The following SCN3B variants were observed in gnomAD, a reference collection of about 807,000 sequenced individuals.
SCN3B encodes sodium channel regulatory subunit beta-3.
In SCN3B, 11 loss-of-function variants were observed where a neutral mutation model predicts 25.4. That is an observed-to-expected ratio of 0.43 (90% confidence interval 0.27 to 0.72). The LOEUF (loss-of-function observed/expected upper bound fraction) is 0.72. SCN3B is among the 30% of genes least tolerant of loss of function. The pLI, the probability that SCN3B is intolerant of heterozygous loss-of-function variation, is 0.18. For missense variants in SCN3B, 218 were observed against 278.3 expected (o/e 0.78, Z 1.54); for synonymous variants, 109 against 110.7 (o/e 0.99, Z 0.09).
At chr11:123,644,093 A>G (rs1212379920) in intron 3 of SCN3B, among the ~76,000 whole-genome samples, 1 of 152,240 alleles carries the variant, frequency 6.6e-6, no homozygotes, top group African/African-American at 2.4e-5. Flanking sequence ...CAGTGCCGTA[A>G]AAAGGGCCTT....
In SCN3B at chr11:123,642,529, T is replaced by C. The variant is rs776930951; in HGVS notation, c.362A>G (p.Asn121Ser). The stretch of plus-strand genomic sequence containing the variant: ...CTCAAACTCAAACTCCCGGGACACA[T>C]TGCAGGTGTAGAGGCCAGAGTCGTT... ...TLNDSGLYTC[N>S]VSREFEFEAH... Residue 121 changes from asparagine (N) to serine (S), a missense_variant, in exon 4 of 7, where the codon AAT becomes AGT. Physicochemically the swap from Asn to Ser is conservative, Grantham distance 46 (BLOSUM62 1). Coordinates refer to ENST00000299333, the MANE Select transcript of SCN3B (RefSeq NM_001040151.2). The surrounding 1 kb of genome is among the most constrained non-coding windows in gnomAD (Gnocchi z 4.3). 2 of 1,613,910 alleles carry C rather than the reference T, an allele frequency of 1.2e-6. No homozygotes were observed. Among genetic ancestry groups the C allele is most frequent in the African/African-American group, 1.3e-5 (1 of 74,866 alleles).
intron 5 of SCN3B, among the ~76,000 whole-genome samples, chr11:123,636,736 G>C (rs1271179528): frequency 1.2e-4 from 18 of 151,010 alleles, no homozygotes; most frequent in Non-Finnish European, 1.9e-4. Flanking sequence ...CTCTGTCGCC[G>C]AGGCTGGAGG....
intron 2 of SCN3B, among the ~76,000 whole-genome samples, chr11:123,648,437 A>G (rs2137250575): frequency 6.6e-6 from 1 of 152,266 alleles, no homozygotes; most frequent in African/African-American, 2.4e-5. Context: ...TCTTTCGTTT[A>G]TTTCCCAAAT....
rs1271588706 is a variant in SCN3B at position 123,654,231 on chromosome 11, G to T, written c.-31C>A. The T allele has an allele frequency of 4.3e-6, 1 of 232,700 alleles. No homozygotes were observed. Among genetic ancestry groups the T allele is most frequent in the Non-Finnish European group, 8.7e-6 (1 of 115,412 alleles). The allele number at this position is 232,700 out of a possible 1,614,324, so 14.4% of individuals were successfully genotyped here. A position where few individuals can be genotyped will look rare whatever the true frequency, so the allele number is the denominator to read the frequency against. ...AAGGGTCCAGGTTGATTCACCTCTC[G>T]CCTCCCCAGGATCGGTTGCGTTCCG... On this transcript the variant is annotated 5_prime_UTR_variant, in exon 1 of 7. Transcript: ENST00000299333.
chr11:123,653,965 G>A (rs1470051069), intron 1 of SCN3B, 139 bp from the exon 2 acceptor site: 7 of 765,048 alleles, frequency 9.1e-6, no homozygotes, highest in Non-Finnish European at 1.5e-5. Flanking sequence ...GAGGCCCTGG[G>A]AGCTTTTGGA....
Position 123,654,360 on chromosome 11 carries a change from C to T in SCN3B, c.-160G>A, listed in dbSNP as rs1955967937. The T allele has an allele frequency of 6.1e-6, 1 of 163,468 alleles. No homozygotes were observed. Among genetic ancestry groups the T allele is most frequent in the Non-Finnish European group, 1.4e-5 (1 of 73,986 alleles). 10.1% of individuals were successfully genotyped at this position (163,468 alleles called of 1,614,324 possible). On this transcript the variant is annotated 5_prime_UTR_variant, in exon 1 of 7. An upstream open reading frame in the 5' UTR loses its in-frame stop. Transcript: ENST00000299333. ...AAGCCGCCGGGGCCGCCCGTCTGGG[C>T]TACAGAATGCGTTCCACGTCGGTCC...
At position 123,640,168 on chromosome 11, in the gene SCN3B, C is replaced by T. The variant is rs148301818; in HGVS notation, c.446-1844G>A. 1.1e-3 allele frequency: 163 copies of T among 152,298 alleles called. 1 individual carries two copies. Among genetic ancestry groups the T allele is most frequent in the African/African-American group, 3.4e-3 (142 of 41,566 alleles). The allele number at this position is 152,298 out of a possible 1,614,324, so 9.4% of individuals were successfully genotyped here. Reference sequence around the variant, plus strand: ...TGCAGCGTGAGGCACATGAGAATGCCGTACAGCTCAAACATCTCACCGCCT... The same window carrying T: ...TGCAGCGTGAGGCACATGAGAATGCTGTACAGCTCAAACATCTCACCGCCT... On this transcript the variant is annotated intron_variant, in intron 4 of 6. Coordinates refer to ENST00000299333, the MANE Select transcript of SCN3B (RefSeq NM_001040151.2).
At position 123,642,774 on chromosome 11, in the gene SCN3B, G is replaced by A; in HGVS notation, c.220-103C>T. On this transcript the variant is annotated intron_variant, in intron 3 of 6. Coordinates refer to ENST00000299333, the MANE Select transcript of SCN3B (RefSeq NM_001040151.2). This position sits in a 1 kb window ranked among gnomAD's most constrained non-coding sequence, Gnocchi z 4.3. ...AGAGAAAAGGAGCAGAATTGTGCAT[G>A]GACAGGGAAGAGAGGGGACAATGCC... 3 of 872,432 alleles carry A rather than the reference G, an allele frequency of 3.4e-6. No individual in the cohort carries two copies. The highest frequency in any genetic ancestry group is 3.9e-5 in the Admixed American group (2 of 50,898). The allele number at this position is 872,432 out of a possible 1,614,324, so 54.0% of individuals were successfully genotyped here. A position where few individuals can be genotyped will look rare whatever the true frequency, so the allele number is the denominator to read the frequency against.
At chr11:123,645,460 G>T (rs896956971) in intron 3 of SCN3B, 127 bp downstream of exon 3, 17 of 1,004,810 alleles carry the variant, frequency 1.7e-5, no homozygotes, top group Non-Finnish European at 2.7e-5. Context: ...ATCTGCTGAG[G>T]ATCTGTCAGT....
Position 123,633,994 on chromosome 11 carries a change from G to T in SCN3B, c.*22+127C>A. On this transcript the variant is annotated intron_variant, in intron 6 of 6. Transcript: ENST00000299333. ...CTTAAAGAATTACCCTGAGGGCGGGGACCCCAGGCAGGGTAGACAGTGACC... is the reference window on the plus strand; with the variant it reads ...CTTAAAGAATTACCCTGAGGGCGGGTACCCCAGGCAGGGTAGACAGTGACC... The T allele has an allele frequency of 5.5e-6, 4 of 722,376 alleles. No individual in the cohort carries two copies. In the East Asian group the frequency reaches 8.3e-5, roughly 15 times the overall value. 44.7% of individuals were successfully genotyped at this position (722,376 alleles called of 1,614,324 possible). A position where few individuals can be genotyped will look rare whatever the true frequency, so the allele number is the denominator to read the frequency against.
Position 123,642,521 on chromosome 11 carries a change from G to A in SCN3B, c.370C>T (p.Arg124Trp), listed in dbSNP as rs747452360. The A allele has an allele frequency of 1.9e-6, 3 of 1,614,160 alleles. No homozygotes were observed. The highest frequency in any genetic ancestry group is 2.2e-5 in the South Asian group (2 of 91,078). ...DSGLYTCNVS[R>W]EFEFEAHRPF... Reference sequence around the variant, plus strand: ...CGATGCGCCTCAAACTCAAACTCCCGGGACACATTGCAGGTGTAGAGGCCA... The same window carrying A: ...CGATGCGCCTCAAACTCAAACTCCCAGGACACATTGCAGGTGTAGAGGCCA... The change falls in exon 4 of 7, where the codon CGG becomes TGG. Residue 124 changes from arginine to tryptophan, a missense_variant. Physicochemically the swap from Arg to Trp is moderately radical, Grantham distance 101. Transcript: ENST00000299333. This position sits in a 1 kb window ranked among gnomAD's most constrained non-coding sequence, Gnocchi z 4.3.
In SCN3B at chr11:123,642,649, T is replaced by C; in HGVS notation, c.242A>G (p.His81Arg). 6.2e-7 allele frequency: 1 copy of C among 1,614,018 alleles called. No homozygotes were observed. Among genetic ancestry groups the C allele is most frequent in the South Asian group, 1.1e-5 (1 of 91,076 alleles). ...CTGAAAGGGGCTCTCCACCTCCTGG[T>C]GGCCATTCCGATACTCGTAAATCTG... is the stretch of plus-strand genomic sequence containing the variant. ...DFLIYEYRNG[H>R]QEVESPFQGR... The change falls in exon 4 of 7, where the codon CAC becomes CGC. Residue 81 changes from histidine (H) to arginine (R), a missense_variant. By Grantham distance (29) the His-to-Arg change is conservative. Transcript: ENST00000299333. This position sits in a 1 kb window ranked among gnomAD's most constrained non-coding sequence, Gnocchi z 4.3.
In SCN3B at chr11:123,642,795, A is replaced by C; in HGVS notation, c.220-124T>G. On this transcript the variant is annotated intron_variant, in intron 3 of 6. Coordinates refer to ENST00000299333, the MANE Select transcript of SCN3B (RefSeq NM_001040151.2). This position sits in a 1 kb window ranked among gnomAD's most constrained non-coding sequence, Gnocchi z 4.3. ...GCATGGACAGGGAAGAGAGGGGACA[A>C]TGCCACCGGGAGACCCAGAATGTGG... is the stretch of plus-strand genomic sequence containing the variant. The C allele has an allele frequency of 1.3e-6, 1 of 769,870 alleles. No homozygotes were observed. The highest frequency in any genetic ancestry group is 2.2e-6 in the Non-Finnish European group (1 of 446,610). The allele number at this position is 769,870 out of a possible 1,614,324, so 47.7% of individuals were successfully genotyped here.
At position 123,633,679 on chromosome 11, in the gene SCN3B, G is replaced by T; in HGVS notation, c.*120C>A. 1 of 272,730 alleles carries T rather than the reference G, an allele frequency of 3.7e-6. No homozygotes were observed. The allele number at this position is 272,730 out of a possible 1,614,324, so 16.9% of individuals were successfully genotyped here. ...GGATGAATGAATGAACAGAACAATG[G>T]ATGCATGAAGGGAAGCGATGGGGCC... On this transcript the variant is annotated 3_prime_UTR_variant, in exon 7 of 7. Coordinates refer to ENST00000299333, the MANE Select transcript of SCN3B (RefSeq NM_001040151.2).
rs1955799293 is a variant in SCN3B, at chr11:123,642,146, CAGT to C, written c.445+297_445+299del. ...GCCAAAGAAGAAGGCCTAGCTGAAT[CAGT>C]AGCTTTAGGCCTCATGGAGGCTAGC... On this transcript the variant is annotated intron_variant, in intron 4 of 6. Transcript: ENST00000299333. The surrounding 1 kb of genome is among the most constrained non-coding windows in gnomAD (Gnocchi z 4.3). 6.6e-6 allele frequency among the ~76,000 whole-genome samples: 1 copy of C among 152,174 alleles called. No individual in the cohort carries two copies. Among genetic ancestry groups the C allele is most frequent in the South Asian group, 2.1e-4 (1 of 4,826 alleles).
In SCN3B at chr11:123,642,770, G is replaced by T; in HGVS notation, c.220-99C>A. 1 of 895,638 alleles carries T rather than the reference G, an allele frequency of 1.1e-6. No homozygotes were observed. 55.5% of individuals were successfully genotyped at this position (895,638 alleles called of 1,614,324 possible). On this transcript the variant is annotated intron_variant, in intron 3 of 6. Transcript: ENST00000299333. The surrounding 1 kb of genome is among the most constrained non-coding windows in gnomAD (Gnocchi z 4.3). ...GGGCAGAGAAAAGGAGCAGAATTGTGCATGGACAGGGAAGAGAGGGGACAA... is the reference window on the plus strand; with the variant it reads ...GGGCAGAGAAAAGGAGCAGAATTGTTCATGGACAGGGAAGAGAGGGGACAA...
intron 3 of SCN3B, among the ~76,000 whole-genome samples, chr11:123,645,130 C>T (rs1247612018): frequency 6.6e-6 from 1 of 152,024 alleles, no homozygotes; most frequent in Admixed American, 6.6e-5. Context: ...TGAATGTCAC[C>T]CTTGGATCAC....
At chr11:123,645,422 A>C (rs753954380) in intron 3 of SCN3B, among the ~76,000 whole-genome samples, 165 bp downstream of exon 3, 3 of 152,108 alleles carry the variant, frequency 2.0e-5, no homozygotes, top group Non-Finnish European at 2.9e-5. Flanking sequence ...CTCTCACAGA[A>C]GCTGGGGCTT....
At chr11:123,640,260 G>C (rs567584060) in intron 4 of SCN3B, 1 of 152,350 alleles carries the variant, frequency 6.6e-6, no homozygotes, top group Non-Finnish European at 1.5e-5. Flanking sequence ...TCAAAATGCA[G>C]TAGCCCACAA....
Sources: allele counts gnomAD v4.1 joint callset (sites outside exome capture counted in the v4.1 genomes callset), GRCh38; gene constraint gnomAD v4.1.1; non-coding constraint Gnocchi (gnomAD v3.1); transcripts MANE v1.5; gene names NCBI Gene and HGNC (gene_info 2026-07-23, HGNC 2026-07-21).